Variants in IGSF21 observed in about 807,000 individuals in gnomAD.
The protein encoded by IGSF21 is immunoglobulin superfamily member 21.
In IGSF21, 28 loss-of-function variants were observed where a neutral mutation model predicts 46.8. That is an observed-to-expected ratio of 0.60 (90% CI 0.44 to 0.82). IGSF21 has a LOEUF of 0.82. Ranked by LOEUF, IGSF21 falls within the 40% of genes least tolerant of loss-of-function variation. The pLI, the probability that IGSF21 is intolerant of heterozygous loss-of-function variation, is 0.00. For missense variants in IGSF21, 624 were observed against 665.5 expected (o/e 0.94, Z 0.69); for synonymous variants, 284 against 273.6 (o/e 1.04, Z -0.38).
intron 1 of IGSF21, among the ~76,000 whole-genome samples, chr1:18,177,997 A>G (rs1265500762): frequency 2.6e-5 from 4 of 152,132 alleles, no homozygotes; most frequent in Non-Finnish European, 5.9e-5. Context: ...CTCATTGGCC[A>G]GTGCTTAAGC....
intron 1 of IGSF21, among the ~76,000 whole-genome samples, chr1:18,148,881 C>T (rs1372360598): frequency 6.6e-6 from 1 of 152,230 alleles, no homozygotes; most frequent in Non-Finnish European, 1.5e-5. Context: ...TGTTTGTAGT[C>T]AAGTACAGAG....
chr1:18,225,814 T>C (rs2084560863), intron 1 of IGSF21, among the ~76,000 whole-genome samples: 1 of 152,122 alleles, frequency 6.6e-6, no homozygotes, highest in Non-Finnish European at 1.5e-5. Context: ...AGATGTACAG[T>C]GTTTGCCACT....
intron 1 of IGSF21, among the ~76,000 whole-genome samples, chr1:18,201,223 C>G (rs753114920): frequency 6.6e-6 from 1 of 152,078 alleles, no homozygotes; most frequent in Non-Finnish European, 1.5e-5. Flanking sequence ...GGACTGAGCG[C>G]GTGCTCAGGG....
At chr1:18,283,114 G>C (rs2124557743) in intron 2 of IGSF21, among the ~76,000 whole-genome samples, 1 of 152,310 alleles carries the variant, frequency 6.6e-6, no homozygotes, top group African/African-American at 2.4e-5. Context: ...CTACAAAGAA[G>C]CTGCAGCCGC....
At chr1:18,225,085 TCACACACACACACACA>T (rs529286231) in intron 1 of IGSF21, among the ~76,000 whole-genome samples, 9 of 51,606 alleles carry the variant, frequency 1.7e-4, no homozygotes, top group South Asian at 7.6e-4. Context: ...TCTCTCTCTC[TCACACACACACACACA>T]CACACACACA....
intron 1 of IGSF21, among the ~76,000 whole-genome samples, chr1:18,184,291 G>T (rs778285203): frequency 7.2e-5 from 11 of 152,026 alleles, no homozygotes; most frequent in Non-Finnish European, 1.2e-4. Context: ...TATCCTTTCT[G>T]GTTCCCCGCA....
intron 1 of IGSF21, among the ~76,000 whole-genome samples, chr1:18,177,292 A>G (rs774510260): frequency 3.2e-4 from 14 of 43,910 alleles, no homozygotes; most frequent in Non-Finnish European, 5.5e-4. Flanking sequence ...CCAGGGTCCA[A>G]GGTTTTTCCT....
intron 3 of IGSF21, 22 bp downstream of exon 3, chr1:18,292,009 G>A: frequency 6.2e-7 from 1 of 1,607,350 alleles, no homozygotes; most frequent in African/African-American, 1.3e-5. Context: ...GGGGTGGCGG[G>A]CCGACAGCGG....
intron 1 of IGSF21, among the ~76,000 whole-genome samples, chr1:18,116,231 G>T (rs1239292710): frequency 6.6e-6 from 1 of 152,050 alleles, no homozygotes; most frequent in African/African-American, 2.4e-5. Flanking sequence ...ATACATTGGG[G>T]CCTCCCTCAC....
Position 18,365,153 on chromosome 1 carries a change from C to A in IGSF21, c.541-70C>A, listed in dbSNP as rs148882673. 270 of 1,226,134 alleles carry A rather than the reference C, an allele frequency of 2.2e-4. 1 individual carries two copies. Among genetic ancestry groups the A allele is most frequent in the African/African-American group, 1.9e-3 (124 of 66,870 alleles). The allele number at this position is 1,226,134 out of a possible 1,614,324, so 76.0% of individuals were successfully genotyped here. On this transcript the variant is annotated intron_variant, in intron 5 of 9. Transcript: ENST00000251296. This position sits in a 1 kb window ranked among gnomAD's most constrained non-coding sequence, Gnocchi z 4.8. The stretch of plus-strand genomic sequence containing the variant: ...AACTGGCATCCTGTGCCCAGTTCAT[C>A]GGAGAACCCACTGGGAGGTTGAAGT...
chr1:18,324,252 C>A (rs1447229229), intron 3 of IGSF21, among the ~76,000 whole-genome samples: 1 of 152,172 alleles, frequency 6.6e-6, no homozygotes, highest in Non-Finnish European at 1.5e-5. Context: ...GAAGTTGGAC[C>A]CAAATTCTCC....
chr1:18,258,540 C>T (rs1469382476), intron 2 of IGSF21, among the ~76,000 whole-genome samples: 1 of 152,168 alleles, frequency 6.6e-6, no homozygotes, highest in Non-Finnish European at 1.5e-5. Context: ...TGAATTTGGG[C>T]ATGTCTGAGC....
intron 1 of IGSF21, among the ~76,000 whole-genome samples, chr1:18,108,627 TGGG>T (rs911345166): frequency 6.6e-6 from 1 of 150,958 alleles, no homozygotes; most frequent in Non-Finnish European, 1.5e-5. Context: ...GAGCGAATGT[TGGG>T]GGGAGGGTGT....
chr1:18,365,543 G>A lies in IGSF21; in HGVS notation c.861G>A (p.Leu287=), dbSNP rs968710514. The A allele has an allele frequency of 2.4e-5, 38 of 1,613,948 alleles. No individual in the cohort carries two copies. The highest frequency in any genetic ancestry group is 3.0e-5 in the Non-Finnish European group (35 of 1,180,028). Residue 287 remains leucine (L), a synonymous_variant, in exon 6 of 10, where the codon CTG becomes CTA. Coordinates refer to ENST00000251296, the MANE Select transcript of IGSF21 (RefSeq NM_032880.5). This position sits in a 1 kb window ranked among gnomAD's most constrained non-coding sequence, Gnocchi z 4.8. The part of the protein sequence containing the change: ...WVHSAEPTYF[L]RHSRTPSSDG... ...ACAGCGCCGAGCCCACCTACTTCCT[G>A]CGCCACAGCCGCACCCCGAGCAGTG...
At chr1:18,125,847 G>A (rs901891253) in intron 1 of IGSF21, among the ~76,000 whole-genome samples, 1 of 152,214 alleles carries the variant, frequency 6.6e-6, no homozygotes, top group African/African-American at 2.4e-5. Flanking sequence ...TTGGGCAGGG[G>A]CCCTATTGAT....
chr1:18,220,100 G>A (rs1046824000), intron 1 of IGSF21, among the ~76,000 whole-genome samples: 6 of 152,164 alleles, frequency 3.9e-5, no homozygotes, highest in African/African-American at 1.4e-4. Context: ...TCTTGCTCGA[G>A]GGCCTTGTTG....
At chr1:18,360,514 C>T (rs567348964) in intron 4 of IGSF21, among the ~76,000 whole-genome samples, 107 of 152,206 alleles carry the variant, frequency 7.0e-4, no homozygotes, top group South Asian at 4.2e-4. Flanking sequence ...GCATTGTTCC[C>T]GGCACCTAGT....
chr1:18,312,905 G>A (rs2085502584), intron 3 of IGSF21, among the ~76,000 whole-genome samples: 1 of 152,184 alleles, frequency 6.6e-6, no homozygotes, highest in African/African-American at 2.4e-5. Flanking sequence ...TGCTTCCTCT[G>A]TTGGACAGTG....
chr1:18,294,317 G>A (rs1451806840), intron 3 of IGSF21, among the ~76,000 whole-genome samples: 1 of 152,102 alleles, frequency 6.6e-6, no homozygotes, highest in Non-Finnish European at 1.5e-5. Context: ...CCATTGCCTA[G>A]AACAACCTCT....
Sources: gnomAD v4.1 joint callset for allele counts (sites outside exome capture counted in the v4.1 genomes callset) on GRCh38, gnomAD v4.1.1 for gene constraint, Gnocchi (gnomAD v3.1) non-coding constraint, MANE v1.5 for transcripts, NCBI Gene and HGNC (gene_info 2026-07-23, HGNC 2026-07-21) for gene names.